Variants in CSMD1 observed in about 807,000 individuals in gnomAD.
CSMD1 encodes CUB and Sushi multiple domains 1.
Under a neutral mutation model 417.5 loss-of-function variants are expected in CSMD1, and 213 were observed. The observed-to-expected ratio is 0.51, with a 90% CI of 0.46 to 0.57. The LOEUF is 0.57. Ranked by LOEUF, CSMD1 falls within the 20% of genes least tolerant of loss-of-function variation. The pLI is 0.00. For synonymous variants in CSMD1, 2,862 were observed against 1,736.8 expected (o/e 1.65, Z -16.11); for missense variants, 6,923 against 4,529.7 (o/e 1.53, Z -15.17).
chr8:3,851,603 C>G (rs1190763296), intron 5 of CSMD1, among the ~76,000 whole-genome samples: 1 of 152,122 alleles, frequency 6.6e-6, no homozygotes, highest in South Asian at 2.1e-4. Context: ...GTTGTCTCTA[C>G]TTTCACTGGA....
In CSMD1 at chr8:4,960,318, T is replaced by G. The variant is rs547093962; in HGVS notation, c.85+34014A>C. Among the ~76,000 whole-genome samples the G allele has an allele frequency of 1.1e-4, 16 of 152,306 alleles. No individual in the cohort carries two copies. The East Asian group carries it at 2.7e-3, about 26-fold the overall frequency. ...AACGCCCCTGATATATAGACAAGTG[T>G]GTTTAATGTTCTGACATCTTACTTA... On this transcript the variant is annotated intron_variant, in intron 1 of 69. Coordinates refer to ENST00000635120, the MANE Select transcript of CSMD1 (RefSeq NM_033225.6).
intron 1 of CSMD1, among the ~76,000 whole-genome samples, chr8:4,831,543 T>C (rs563364180): frequency 1.3e-5 from 2 of 152,260 alleles, no homozygotes; most frequent in South Asian, 2.1e-4. Context: ...CAGAAGATAA[T>C]GTGTCTCCAA....
intron 1 of CSMD1, among the ~76,000 whole-genome samples, chr8:4,870,562 G>A (rs887624492): frequency 5.9e-5 from 9 of 152,086 alleles, no homozygotes; most frequent in Admixed American, 5.9e-4. Context: ...GTCAGTCTCA[G>A]CCAGGCTTCT....
chr8:3,607,538 G>A (rs748633163), intron 8 of CSMD1, among the ~76,000 whole-genome samples: 8 of 152,254 alleles, frequency 5.3e-5, no homozygotes, highest in Non-Finnish European at 8.8e-5. Flanking sequence ...CAAGACTGCC[G>A]CAAACATGTG....
At chr8:4,682,382 G>C (rs1421026818) in intron 1 of CSMD1, among the ~76,000 whole-genome samples, 3 of 152,020 alleles carry the variant, frequency 2.0e-5, no homozygotes, top group Non-Finnish European at 4.4e-5. Context: ...ATTACTTGTT[G>C]TGTATCTGTG....
At chr8:4,295,347 C>T (rs1226344635) in intron 3 of CSMD1, among the ~76,000 whole-genome samples, 2 of 124,902 alleles carry the variant, frequency 1.6e-5, no homozygotes, top group African/African-American at 2.6e-5. Context: ...AGATTATGCA[C>T]ATATAACCTT....
At chr8:4,580,959 G>A (rs569912283) in intron 2 of CSMD1, among the ~76,000 whole-genome samples, 3 of 152,288 alleles carry the variant, frequency 2.0e-5, no homozygotes, top group African/African-American at 7.2e-5. Context: ...TGAAAAGATA[G>A]ACAACGATTG....
At chr8:4,072,747 A>C (rs1455522049) in intron 3 of CSMD1, among the ~76,000 whole-genome samples, 1 of 152,098 alleles carries the variant, frequency 6.6e-6, no homozygotes, top group Non-Finnish European at 1.5e-5. Flanking sequence ...CTTTTGCCTT[A>C]CTCTCTGCAA....
chr8:3,488,381 T>C (rs1818179273), intron 11 of CSMD1, among the ~76,000 whole-genome samples: 1 of 152,192 alleles, frequency 6.6e-6, no homozygotes, highest in Admixed American at 6.5e-5. Context: ...GTTCCGGGAT[T>C]ATAGGCGTAT....
intron 3 of CSMD1, among the ~76,000 whole-genome samples, chr8:4,156,638 G>A (rs574514408): frequency 1.1e-4 from 16 of 152,074 alleles, no homozygotes; most frequent in South Asian, 2.1e-4. Context: ...TTTGCTATTT[G>A]GTGATACCAG....
chr8:4,758,118 A>G (rs938226392), intron 1 of CSMD1, among the ~76,000 whole-genome samples: 1 of 152,158 alleles, frequency 6.6e-6, no homozygotes, highest in Non-Finnish European at 1.5e-5. Flanking sequence ...AAAGGAAATA[A>G]TTGGCAACAT....
At chr8:3,159,991 T>C (rs536113106) in intron 38 of CSMD1, among the ~76,000 whole-genome samples, 3 of 152,248 alleles carry the variant, frequency 2.0e-5, no homozygotes, top group East Asian at 1.9e-4. Context: ...TGAGGGAGAA[T>C]GGAGGAAACA....
At chr8:3,196,703 G>A (rs1796722628) in intron 33 of CSMD1, among the ~76,000 whole-genome samples, 1 of 152,188 alleles carries the variant, frequency 6.6e-6, no homozygotes, top group Non-Finnish European at 1.5e-5. Context: ...CTGAGCCACA[G>A]CTGCAAACAG....
intron 36 of CSMD1, among the ~76,000 whole-genome samples, chr8:3,184,226 C>G (rs940066495): frequency 6.6e-6 from 1 of 152,158 alleles, no homozygotes; most frequent in African/African-American, 2.4e-5. Flanking sequence ...TTTCCTATTT[C>G]TATTCATTCA....
At chr8:4,658,610 T>A (rs1341983202) in intron 1 of CSMD1, among the ~76,000 whole-genome samples, 1 of 152,108 alleles carries the variant, frequency 6.6e-6, no homozygotes, top group African/African-American at 2.4e-5. Flanking sequence ...TGAATGCCAG[T>A]GCGGAGTATC....
chr8:4,831,300 T>C (rs1800135889), intron 1 of CSMD1, among the ~76,000 whole-genome samples: 1 of 152,194 alleles, frequency 6.6e-6, no homozygotes. Flanking sequence ...GTCTTTACTT[T>C]GGATCACATC....
At chr8:4,445,337 G>A (rs1158032851) in intron 2 of CSMD1, among the ~76,000 whole-genome samples, 1 of 152,150 alleles carries the variant, frequency 6.6e-6, no homozygotes, top group Admixed American at 6.5e-5. Flanking sequence ...GTATACTTCA[G>A]AAGTGTATGA....
intron 12 of CSMD1, among the ~76,000 whole-genome samples, chr8:3,432,070 T>C (rs780539400): frequency 1.3e-5 from 2 of 152,162 alleles, no homozygotes; most frequent in African/African-American, 2.4e-5. Flanking sequence ...AACATAATAA[T>C]AGGGTCTGAG....
chr8:4,271,701 T>C (rs1804607707), intron 3 of CSMD1, among the ~76,000 whole-genome samples: 1 of 152,202 alleles, frequency 6.6e-6, no homozygotes, highest in South Asian at 2.1e-4. Flanking sequence ...TGTATATTAA[T>C]CCTAACTCAC....
Sources: gnomAD v4.1 joint callset for allele counts (sites outside exome capture counted in the v4.1 genomes callset) on GRCh38, gnomAD v4.1.1 for gene constraint, MANE v1.5 for transcripts, NCBI Gene and HGNC (gene_info 2026-07-23, HGNC 2026-07-21) for gene names.